Variants in ELFN1 observed in about 807,000 individuals in gnomAD.
The protein encoded by ELFN1 is extracellular leucine rich repeat and fibronectin type III domain containing 1, also known as protein ELFN1.
Under a neutral mutation model 7.6 loss-of-function variants are expected in ELFN1, and 6 were observed. The ratio of observed to expected loss-of-function variants is 0.79; its 90% CI spans 0.43 to 1.56. The LOEUF (loss-of-function observed/expected upper bound fraction) is 1.56, where lower values mean the gene tolerates loss of function less well. Ranked by LOEUF, ELFN1 falls within the 40% of genes most tolerant of loss-of-function variation. ELFN1 has a pLI of 0.01. For synonymous variants in ELFN1, 657 were observed against 588.1 expected (o/e 1.12, Z -1.70); for missense variants, 1,169 against 1,232.2 (o/e 0.95, Z 0.77).
intron 2 of ELFN1, among the ~76,000 whole-genome samples, chr7:1,704,842 C>G (rs1303618477): frequency 1.3e-5 from 2 of 152,038 alleles, no homozygotes; most frequent in African/African-American, 4.8e-5. Flanking sequence ...TGGGCAGGCC[C>G]CACACCAAGG....
At chr7:1,720,151 G>T (rs545110187) in intron 3 of ELFN1, among the ~76,000 whole-genome samples, 8 of 152,232 alleles carry the variant, frequency 5.3e-5, no homozygotes, top group Non-Finnish European at 1.2e-4. Flanking sequence ...GTCCCAGCCA[G>T]ACACCTCTCC....
rs1779739866 is a variant in ELFN1, at chr7:1,713,813, A to G, written c.-294+4561A>G. ...CAAGTGCAGGGCTGGCATCCCAGCG[A>G]CTCGCCCAAGGCCACCTCGCCAATC... On this transcript the variant is annotated intron_variant, in intron 3 of 3. Transcript: ENST00000424383. Among the ~76,000 whole-genome samples, 2 of 151,348 alleles carry G rather than the reference A, an allele frequency of 1.3e-5. 1 individual carries two copies. Among genetic ancestry groups the G allele is most frequent in the South Asian group, 4.2e-4 (2 of 4,766 alleles).
intron 3 of ELFN1, among the ~76,000 whole-genome samples, chr7:1,711,435 G>A (rs1284776503): frequency 1.3e-5 from 2 of 152,088 alleles, no homozygotes; most frequent in Admixed American, 6.5e-5. Context: ...GGGAGGGAAG[G>A]GCAGGGAGTG....
intron 3 of ELFN1, among the ~76,000 whole-genome samples, chr7:1,737,897 T>A (rs1780494389): frequency 6.6e-6 from 1 of 152,150 alleles, no homozygotes; most frequent in African/African-American, 2.4e-5. Context: ...TCTGTCCCCC[T>A]GATCAGCACT....
chr7:1,731,333 A>G (rs1780321346), intron 3 of ELFN1, among the ~76,000 whole-genome samples: 1 of 152,246 alleles, frequency 6.6e-6, no homozygotes, highest in African/African-American at 2.4e-5. Context: ...AAATGGCAAG[A>G]CTAAAGAAAC....
intron 3 of ELFN1, among the ~76,000 whole-genome samples, chr7:1,730,170 G>A (rs896723184): frequency 1.3e-5 from 2 of 152,270 alleles, no homozygotes; most frequent in Non-Finnish European, 2.9e-5. Flanking sequence ...AAGCACAGAA[G>A]ACAAATGAGG....
intron 2 of ELFN1, among the ~76,000 whole-genome samples, chr7:1,694,559 C>T (rs7789732): frequency 0.14 from 20,559 of 152,138 alleles, 1,538 homozygotes; most frequent in African/African-American, 0.21. Context: ...TAGGCCGGAG[C>T]TTATGCCCCT....
chr7:1,672,737 C>G (rs115920017), intron 1 of ELFN1, among the ~76,000 whole-genome samples: 36 of 152,224 alleles, frequency 2.4e-4, no homozygotes, highest in South Asian at 1.0e-3. Context: ...CCTTCCCCCC[C>G]GACAAGCCAA....
At chr7:1,738,633 G>A (rs1165087496) in intron 3 of ELFN1, 1 of 152,046 alleles carries the variant, frequency 6.6e-6, no homozygotes, top group Non-Finnish European at 1.5e-5. Flanking sequence ...GTTAATGTTT[G>A]TGAGAAACCA....
chr7:1,713,606 T>C (rs995760331), intron 3 of ELFN1, among the ~76,000 whole-genome samples: 1 of 152,168 alleles, frequency 6.6e-6, no homozygotes, highest in Admixed American at 6.5e-5. Flanking sequence ...GCTGGACTCC[T>C]TCAGCACCAG....
intron 1 of ELFN1, among the ~76,000 whole-genome samples, chr7:1,684,381 A>T (rs973553516): frequency 1.3e-5 from 2 of 152,048 alleles, no homozygotes; most frequent in South Asian, 2.1e-4. Flanking sequence ...ATAATTTTTG[A>T]TGAGAAATCA....
At chr7:1,684,370 C>G (rs1241813987) in intron 1 of ELFN1, among the ~76,000 whole-genome samples, 1 of 152,138 alleles carries the variant, frequency 6.6e-6, no homozygotes, top group Non-Finnish European at 1.5e-5. Flanking sequence ...TTCTTCCCCC[C>G]ATAATTTTTG....
chr7:1,743,866 G>A (rs868660838), intron 3 of ELFN1, among the ~76,000 whole-genome samples: 2 of 152,184 alleles, frequency 1.3e-5, no homozygotes, highest in South Asian at 2.1e-4. Flanking sequence ...GCCAGCCGGC[G>A]GAAGCCCAGT....
intron 3 of ELFN1, among the ~76,000 whole-genome samples, chr7:1,743,686 C>T (rs1186524276): frequency 6.6e-6 from 1 of 152,160 alleles, no homozygotes; most frequent in Non-Finnish European, 1.5e-5. Context: ...GAGAGGAGCC[C>T]GCGCCCCGGA....
At chr7:1,720,892 A>T (rs1780001771) in intron 3 of ELFN1, among the ~76,000 whole-genome samples, 1 of 152,162 alleles carries the variant, frequency 6.6e-6, no homozygotes, top group African/African-American at 2.4e-5. Context: ...GCTGGTACAG[A>T]GGCAGCCCCA....
chr7:1,711,825 G>C (rs1779665906), intron 3 of ELFN1, among the ~76,000 whole-genome samples: 1 of 152,208 alleles, frequency 6.6e-6, no homozygotes, highest in Non-Finnish European at 1.5e-5. Context: ...AGGCTTCCCT[G>C]GGCTGGGAGC....
Position 1,705,998 on chromosome 7 carries a change from G to T in ELFN1, c.-455-3093G>T, listed in dbSNP as rs981545138. Among the ~76,000 whole-genome samples, 1 of 152,168 alleles carries T rather than the reference G, an allele frequency of 6.6e-6. No individual in the cohort carries two copies. The highest frequency in any genetic ancestry group is 1.5e-5 in the Non-Finnish European group (1 of 68,018). ...TTGTTCTACAGGGAGGGAAACTGAG[G>T]CACAGCATTCCAGGGGCTTGTCCAG... On this transcript the variant is annotated intron_variant, in intron 2 of 3. Coordinates refer to ENST00000424383, the MANE Select transcript of ELFN1 (RefSeq NM_001128636.4). The surrounding 1 kb of genome is among the most constrained non-coding windows in gnomAD (Gnocchi z 4.3).
At chr7:1,675,731 G>T (rs1219216293) in intron 1 of ELFN1, among the ~76,000 whole-genome samples, 3 of 152,216 alleles carry the variant, frequency 2.0e-5, no homozygotes, top group Admixed American at 2.0e-4. Flanking sequence ...ACACAGTGAG[G>T]CGTCGCTGGC....
At position 1,745,909 on chromosome 7, in the gene ELFN1, A is replaced by G; in HGVS notation, c.1313A>G (p.Tyr438Cys). Residue 438 changes from tyrosine to cysteine, a missense_variant, in exon 4 of 4, where the codon TAC becomes TGC. Physicochemically the swap from Tyr to Cys is radical, Grantham distance 194. Around this residue, in one of 2 missense-constraint regions of ELFN1, gnomAD observed 914 missense variants for 872.6 expected, o/e 1.05. Coordinates refer to ENST00000424383, the MANE Select transcript of ELFN1 (RefSeq NM_001128636.4). Reference sequence around the variant, plus strand: ...GTGCTGGTGCTGGGCGCCGTCTACTACTGCCTGCGCAGGCGGCGGCGCCAG... The same window carrying G: ...GTGCTGGTGCTGGGCGCCGTCTACTGCTGCCTGCGCAGGCGGCGGCGCCAG... ...GMVLVLGAVY[Y>C]CLRRRRRQEE... 1.3e-6 allele frequency: 2 copies of G among 1,580,942 alleles called. No individual in the cohort carries two copies. The highest frequency in any genetic ancestry group is 1.7e-6 in the Non-Finnish European group (2 of 1,165,398).
Sources: gnomAD v4.1 joint callset for allele counts (sites outside exome capture counted in the v4.1 genomes callset) on GRCh38, gnomAD v4.1.1 for gene constraint, gnomAD v4.1.1 regional missense constraint, Gnocchi (gnomAD v3.1) non-coding constraint, MANE v1.5 for transcripts, NCBI Gene and HGNC (gene_info 2026-07-23, HGNC 2026-07-21) for gene names.